RNLS: variants seen among roughly 807,000 people sequenced by gnomAD.
RNLS encodes renalase.
RNLS carries 39 observed loss-of-function variants against 39.8 expected under a neutral mutation model. The ratio of observed to expected loss-of-function variants is 0.98; its 90% CI spans 0.76 to 1.28. RNLS has a LOEUF of 1.28. RNLS is among the 50% of genes most tolerant of loss of function. The pLI is 0.00. For synonymous variants in RNLS, 147 were observed against 150.7 expected, an observed-to-expected ratio of 0.98 and a Z score of 0.18; for missense variants, 410 against 413.3, an observed-to-expected ratio of 0.99 and a Z score of 0.07.
chr10:88,445,856 A>G (rs570912987), intron 4 of RNLS, among the ~76,000 whole-genome samples: 1 of 152,304 alleles, frequency 6.6e-6, no homozygotes, highest in East Asian at 1.9e-4. Context: ...CTCTCACACA[A>G]TAATAATGGG....
At chr10:88,470,822 G>A (rs1326109702) in intron 4 of RNLS, among the ~76,000 whole-genome samples, 1 of 151,928 alleles carries the variant, frequency 6.6e-6, no homozygotes, top group Non-Finnish European at 1.5e-5. Flanking sequence ...CACCATGTTG[G>A]TCAGGCTGGT....
intron 4 of RNLS, among the ~76,000 whole-genome samples, chr10:88,488,613 CAA>C: frequency 7.5e-6 from 1 of 134,052 alleles, no homozygotes; most frequent in East Asian, 2.1e-4. Flanking sequence ...ATGTAAAGAA[CAA>C]TATATAAATT....
At chr10:88,209,023 G>A in the RNLS span, among the ~76,000 whole-genome samples, 2 of 152,004 alleles carry the variant, frequency 1.3e-5, no homozygotes, top group Admixed American at 6.6e-5. Flanking sequence ...TAAATTAATC[G>A]GATAGCTTTT....
At chr10:88,515,198 G>A (rs1846345573) in intron 4 of RNLS, among the ~76,000 whole-genome samples, 1 of 151,688 alleles carries the variant, frequency 6.6e-6, no homozygotes, top group East Asian at 1.9e-4. Flanking sequence ...TTCCAAGTTT[G>A]TCATTTCTAT....
the RNLS span, among the ~76,000 whole-genome samples, chr10:88,254,727 T>C: frequency 0.041 from 6,195 of 152,306 alleles, 151 homozygotes; most frequent in African/African-American, 0.063. Context: ...ATACCTTCAA[T>C]CACCTAACGA....
intron 4 of RNLS, among the ~76,000 whole-genome samples, chr10:88,434,056 T>C (rs1021693780): frequency 1.3e-5 from 2 of 152,122 alleles, no homozygotes; most frequent in African/African-American, 4.8e-5. Context: ...TTGTTGAGGT[T>C]TTCTCTTTGA....
chr10:88,573,156 CA>C (rs1849958180), intron 3 of RNLS, 95 bp from the exon 4 acceptor site: 4 of 1,189,290 alleles, frequency 3.4e-6, no homozygotes, highest in Middle Eastern at 2.0e-4. Flanking sequence ...TTCAAGTGAA[CA>C]AAATGGCCAA....
At chr10:88,370,794 T>G (rs1373966389) in intron 4 of RNLS, among the ~76,000 whole-genome samples, 1 of 151,928 alleles carries the variant, frequency 6.6e-6, no homozygotes, top group Non-Finnish European at 1.5e-5. Flanking sequence ...ACCAGGAGAG[T>G]TTGAAATTTT....
chr10:88,559,246 G>T (rs933149442), intron 4 of RNLS, among the ~76,000 whole-genome samples: 1 of 152,038 alleles, frequency 6.6e-6, no homozygotes, highest in Admixed American at 6.6e-5. Context: ...CATGTTTTAC[G>T]TGTCAGTTTA....
At chr10:88,415,005 A>C (rs1487222586) in intron 4 of RNLS, among the ~76,000 whole-genome samples, 2 of 152,116 alleles carry the variant, frequency 1.3e-5, no homozygotes, top group African/African-American at 4.8e-5. Flanking sequence ...CTTCAACCAA[A>C]ATACTGCTTA....
chr10:88,435,334 T>C (rs1377452867), intron 4 of RNLS, among the ~76,000 whole-genome samples: 1 of 152,040 alleles, frequency 6.6e-6, no homozygotes, highest in Non-Finnish European at 1.5e-5. Flanking sequence ...CCTTTTATTT[T>C]AGAGCACCAA....
intron 4 of RNLS, among the ~76,000 whole-genome samples, chr10:88,381,909 T>A (rs1328066603): frequency 6.6e-6 from 1 of 152,040 alleles, no homozygotes; most frequent in African/African-American, 2.4e-5. Context: ...ATAACAATTT[T>A]TTGGTACATA....
At chr10:88,524,375 C>T (rs964403819) in intron 4 of RNLS, among the ~76,000 whole-genome samples, 6 of 152,016 alleles carry the variant, frequency 3.9e-5, no homozygotes, top group Admixed American at 2.6e-4. Context: ...ATAGTAAGCA[C>T]AGTATGGTAT....
At chr10:88,369,331 T>G (rs979519630) in intron 4 of RNLS, among the ~76,000 whole-genome samples, 1 of 152,158 alleles carries the variant, frequency 6.6e-6, no homozygotes, top group Non-Finnish European at 1.5e-5. Flanking sequence ...GACTGGCCCC[T>G]TTATGGGCTG....
At chr10:88,575,682 A>G (rs1387888968) in intron 3 of RNLS, among the ~76,000 whole-genome samples, 1 of 152,088 alleles carries the variant, frequency 6.6e-6, no homozygotes, top group Non-Finnish European at 1.5e-5. Flanking sequence ...TTAAATCTAT[A>G]AGCTCTGAAA....
rs1845606204 is a variant in RNLS at position 88,314,465 on chromosome 10, C to A, written c.876+1G>T. The A allele has an allele frequency of 6.2e-7, 1 of 1,613,564 alleles. No individual in the cohort carries two copies. ...CTTAGACCACTGGATTCTTTGATTA[C>A]CTGTGAATGTCTCCATTTTTGGCAT... On this transcript the variant is annotated splice_donor_variant, in intron 6 of 6. Coordinates refer to ENST00000331772, the MANE Select transcript of RNLS (RefSeq NM_001031709.3). LOFTEE classifies it high-confidence loss of function.
intron 5 of RNLS, among the ~76,000 whole-genome samples, chr10:88,359,681 T>G (rs962570126): frequency 2.0e-5 from 3 of 152,262 alleles, no homozygotes; most frequent in African/African-American, 7.2e-5. Context: ...GTATGATTGC[T>G]GATATAAAAA....
At chr10:88,509,158 TG>T (rs1237588465) in intron 4 of RNLS, among the ~76,000 whole-genome samples, 2 of 152,168 alleles carry the variant, frequency 1.3e-5, no homozygotes, top group Admixed American at 1.3e-4. Flanking sequence ...TTCAATGTTA[TG>T]ACGCTAATAA....
At chr10:88,343,940 A>T (rs1389843306) in intron 5 of RNLS, 1 of 424,624 alleles carries the variant, frequency 2.4e-6, no homozygotes, top group Non-Finnish European at 3.1e-6. Flanking sequence ...TGCCTAAAAA[A>T]GCCCTGGTTT....
Sources: allele counts gnomAD v4.1 joint callset (sites outside exome capture counted in the v4.1 genomes callset), GRCh38; gene constraint gnomAD v4.1.1; transcripts MANE v1.5; gene names NCBI Gene and HGNC (gene_info 2026-07-23, HGNC 2026-07-21).